DIP2C: variants seen among roughly 807,000 people sequenced by gnomAD.
DIP2C encodes DIP2 acetate--CoA ligase C (putative).
In DIP2C, 33 loss-of-function variants were observed where a neutral mutation model predicts 192.4. That is an observed-to-expected ratio of 0.17 (90% CI 0.13 to 0.23). The LOEUF is 0.23. Among genes scored for constraint, DIP2C ranks in the 10% least tolerant of loss-of-function variants. The probability of loss-of-function intolerance (pLI) is 1.00; values close to 1 mark genes in which losing one functional copy is unlikely to be tolerated. For synonymous variants in DIP2C, 979 were observed against 864.1 expected (o/e 1.13, Z -2.33); for missense variants, 1,537 against 2,110.1 (o/e 0.73, Z 5.32).
At chr10:683,044 C>T (rs528069170) in intron 1 of DIP2C, among the ~76,000 whole-genome samples, 3 of 152,316 alleles carry the variant, frequency 2.0e-5, no homozygotes, top group Non-Finnish European at 1.5e-5. Context: ...ATTCATGAGT[C>T]GCGCAGCACA....
At chr10:482,112 G>A (rs1843656933) in intron 2 of DIP2C, among the ~76,000 whole-genome samples, 1 of 152,216 alleles carries the variant, frequency 6.6e-6, no homozygotes, top group Non-Finnish European at 1.5e-5. Flanking sequence ...TCCAAACTGA[G>A]CTTTAAATGC....
chr10:491,805 G>C (rs1844466325), intron 1 of DIP2C, among the ~76,000 whole-genome samples: 1 of 152,246 alleles, frequency 6.6e-6, no homozygotes, highest in African/African-American at 2.4e-5. Flanking sequence ...ATTCATGAGA[G>C]ACGTCCAAGT....
At position 366,265 on chromosome 10, in the gene DIP2C, C is replaced by T. The variant is rs1403127256; in HGVS notation, c.2268+10G>A. On this transcript the variant is annotated intron_variant, in intron 19 of 36. Coordinates refer to ENST00000280886, the MANE Select transcript of DIP2C (RefSeq NM_014974.3). ...AGATGGTGCCCATGGTAAGACTCTC[C>T]TCCACCTACCTCAAAGGTGTTCTTG... 3.1e-6 allele frequency: 5 copies of T among 1,611,846 alleles called. No homozygotes were observed. The highest frequency in any genetic ancestry group is 4.2e-6 in the Non-Finnish European group (5 of 1,179,018).
At chr10:462,903 T>A (rs1969909382) in intron 3 of DIP2C, among the ~76,000 whole-genome samples, 2 of 152,118 alleles carry the variant, frequency 1.3e-5, no homozygotes. Context: ...TCAACAGAAC[T>A]AATGACAAAA....
chr10:331,848 T>A (rs1957522113), intron 29 of DIP2C, among the ~76,000 whole-genome samples: 1 of 152,204 alleles, frequency 6.6e-6, no homozygotes. Context: ...TGCTGTAAAC[T>A]GGCCATTTCA....
intron 2 of DIP2C, among the ~76,000 whole-genome samples, chr10:481,716 C>T (rs369110834): frequency 3.9e-5 from 6 of 152,210 alleles, no homozygotes; most frequent in Non-Finnish European, 5.9e-5. Flanking sequence ...CAGGGCTTCA[C>T]GTGGATCTGA....
At chr10:482,818 T>C (rs1353966304) in intron 2 of DIP2C, among the ~76,000 whole-genome samples, 1 of 152,176 alleles carries the variant, frequency 6.6e-6, no homozygotes. Flanking sequence ...TGGATTTTAT[T>C]TCCTAGGTTT....
Position 392,815 on chromosome 10 carries a change from C to CGCA in DIP2C, c.1261-1955_1261-1953dup, listed in dbSNP as rs556978718. Among the ~76,000 whole-genome samples the CGCA allele has an allele frequency of 6.1e-3, 879 of 143,922 alleles. 11 individuals carry two copies. The highest frequency in any genetic ancestry group is 0.024 in the African/African-American group (827 of 35,096). 94.4% of individuals were successfully genotyped at this position (143,922 alleles called of 152,430 possible). On this transcript the variant is annotated intron_variant, in intron 10 of 36. Coordinates refer to ENST00000280886, the MANE Select transcript of DIP2C (RefSeq NM_014974.3). ...CACACACGCGGATGCGCACACTCAG[C>CGCA]GCACACACACACACACGCCCACGCA... is the stretch of plus-strand genomic sequence containing the variant.
chr10:422,715 CTG>C (rs1340579290), intron 5 of DIP2C, 107 bp downstream of exon 5: 1 of 1,350,710 alleles, frequency 7.4e-7, no homozygotes, highest in East Asian at 2.3e-5. Context: ...CAGAGGAGCT[CTG>C]TGCTCTTTCC....
intron 31 of DIP2C, among the ~76,000 whole-genome samples, chr10:324,167 T>C (rs187754717): frequency 6.6e-6 from 1 of 152,260 alleles, no homozygotes. Context: ...CCTGAAAAAA[T>C]TATCTACATG....
At chr10:610,052 A>G (rs1852968234) in intron 1 of DIP2C, among the ~76,000 whole-genome samples, 4 of 152,196 alleles carry the variant, frequency 2.6e-5, no homozygotes, top group Admixed American at 2.0e-4. Flanking sequence ...CACCGTCCAC[A>G]GCAGCCAAGA....
chr10:561,719 G>A (rs146415263), intron 1 of DIP2C, among the ~76,000 whole-genome samples: 32 of 152,290 alleles, frequency 2.1e-4, no homozygotes, highest in African/African-American at 7.5e-4. Context: ...TCCTGGTCCC[G>A]TCTAGAGCTT....
chr10:395,359 C>T (rs1355852158), intron 10 of DIP2C, among the ~76,000 whole-genome samples: 1 of 152,110 alleles, frequency 6.6e-6, no homozygotes, highest in African/African-American at 2.4e-5. Context: ...GTTTGATAAA[C>T]ATTCCACGTC....
At chr10:518,551 G>A (rs1220015884) in intron 1 of DIP2C, among the ~76,000 whole-genome samples, 1 of 152,120 alleles carries the variant, frequency 6.6e-6, no homozygotes, top group Non-Finnish European at 1.5e-5. Flanking sequence ...CTCAGAAAGG[G>A]GCCCAGCAAC....
intron 1 of DIP2C, among the ~76,000 whole-genome samples, chr10:575,246 T>C (rs1198335779): frequency 6.6e-6 from 1 of 151,970 alleles, no homozygotes; most frequent in Non-Finnish European, 1.5e-5. Context: ...TGAGTACAAT[T>C]AATCTACACA....
chr10:564,807 G>GA (rs769589569), intron 1 of DIP2C, among the ~76,000 whole-genome samples: 9 of 152,038 alleles, frequency 5.9e-5, no homozygotes, highest in East Asian at 1.9e-4. Flanking sequence ...TCCCATCTCA[G>GA]AAAAAAACAC....
chr10:522,948 C>T (rs1290640671), intron 1 of DIP2C, among the ~76,000 whole-genome samples: 2 of 148,174 alleles, frequency 1.3e-5, no homozygotes, highest in Non-Finnish European at 3.0e-5. Context: ...TGTGTGTGAC[C>T]AACACGTTCA....
At chr10:601,093 CTT>C (rs1339775187) in intron 1 of DIP2C, among the ~76,000 whole-genome samples, 3 of 152,210 alleles carry the variant, frequency 2.0e-5, no homozygotes, top group Admixed American at 6.5e-5. Flanking sequence ...AGCCTACACT[CTT>C]TACTCCCTTG....
At chr10:679,773 G>A (rs1281454274) in intron 1 of DIP2C, among the ~76,000 whole-genome samples, 3 of 148,840 alleles carry the variant, frequency 2.0e-5, no homozygotes, top group Admixed American at 6.7e-5. Context: ...CCCCGCACCC[G>A]TGCTCCCCGC....
Sources: gnomAD v4.1 joint callset for allele counts (sites outside exome capture counted in the v4.1 genomes callset) on GRCh38, gnomAD v4.1.1 for gene constraint, MANE v1.5 for transcripts, NCBI Gene and HGNC (gene_info 2026-07-23, HGNC 2026-07-21) for gene names.